SYNE2: variants seen among roughly 807,000 people sequenced by gnomAD.
The protein encoded by SYNE2 is spectrin repeat containing nuclear envelope protein 2.
In SYNE2, 431 loss-of-function variants were observed where a neutral mutation model predicts 856.3. That is an observed-to-expected ratio of 0.50 (90% CI 0.47 to 0.55). The LOEUF is 0.55. SYNE2 is among the 20% of genes least tolerant of loss of function. The pLI is 0.00. For missense variants in SYNE2, 8,129 were observed against 8,023.2 expected (o/e 1.01, Z -0.50); for synonymous variants, 2,923 against 2,872.3 (o/e 1.02, Z -0.56).
Position 64,126,721 on chromosome 14 carries a change from C to A in SYNE2, c.13831C>A (p.Gln4611Lys), listed in dbSNP as rs1466523492. ...NLLLECFDNL[Q>K]VCLEHTQAAA... The stretch of plus-strand genomic sequence containing the variant: ...GCTCCTTGAATGTTTTGACAACCTT[C>A]AAGTCTGCCTGGAGCACACTCAGGC... The change falls in exon 73 of 116, where the codon CAA becomes AAA. Residue 4611 changes from glutamine (Q) to lysine (K), a missense_variant. Gln to Lys is a moderately conservative substitution (Grantham distance 53). Coordinates refer to ENST00000555002, the MANE Select transcript of SYNE2 (RefSeq NM_182914.3). The A allele has an allele frequency of 6.2e-7, 1 of 1,614,166 alleles. No homozygotes were observed. The highest frequency in any genetic ancestry group is 1.1e-5 in the South Asian group (1 of 91,078).
At chr14:64,124,104 C>A (rs2097918584) in intron 70 of SYNE2, among the ~76,000 whole-genome samples, 1 of 152,052 alleles carries the variant, frequency 6.6e-6, no homozygotes, top group East Asian at 1.9e-4. Flanking sequence ...ACTTGGGAGG[C>A]TGAGGCAGGA....
chr14:64,178,350 A>G (rs919859877), intron 96 of SYNE2, among the ~76,000 whole-genome samples: 1 of 152,242 alleles, frequency 6.6e-6, no homozygotes, highest in African/African-American at 2.4e-5. Context: ...AGTGTCCTGT[A>G]TGATCTAACT....
chr14:64,158,606 G>A lies in SYNE2; in HGVS notation c.15793-19G>A, dbSNP rs4027394. ...TCTCAGTGATTTTCTAAATCAGTAC[G>A]TTTCCACTTTTTGTCTAGGTCAATC... On this transcript the variant is annotated intron_variant, in intron 85 of 115. Transcript: ENST00000555002. 6,800 of 1,613,390 alleles carry A rather than the reference G, an allele frequency of 4.2e-3. 468 individuals carry two copies. The Admixed American group carries it at 0.11, about 25-fold the overall frequency.
chr14:64,199,033 A>G (rs113711157), intron 99 of SYNE2, among the ~76,000 whole-genome samples: 19 of 152,292 alleles, frequency 1.2e-4, no homozygotes, highest in East Asian at 9.6e-4. Flanking sequence ...AGACAAGGCA[A>G]ATGGTTAAGT....
intron 31 of SYNE2, among the ~76,000 whole-genome samples, chr14:64,009,413 G>C (rs764845896): frequency 1.3e-5 from 2 of 151,816 alleles, no homozygotes; most frequent in South Asian, 2.1e-4. Context: ...GCACTTGCCT[G>C]TAATCCTAGC....
At position 63,813,576 on chromosome 14, in the gene SYNE2, C is replaced by T. The variant is rs1049921813; in HGVS notation, c.-304-38925C>T. Among the ~76,000 whole-genome samples the T allele has an allele frequency of 2.0e-5, 3 of 152,050 alleles. No homozygotes were observed. In the East Asian group the frequency reaches 5.8e-4, roughly 29 times the overall value. ...TTGGGAGGCCCAGGGGGGTGGATCA[C>T]GAGGTCAGGAGTTCAAGACTAGCCT... On this transcript the variant is annotated intron_variant, in intron 1 of 23. Transcript: ENST00000674003.
At position 64,087,518 on chromosome 14, in the gene SYNE2, GAC is replaced by G. The variant is rs1567254818; in HGVS notation, c.11485-151_11485-150del. On this transcript the variant is annotated intron_variant, in intron 57 of 115. Coordinates refer to ENST00000555002, the MANE Select transcript of SYNE2 (RefSeq NM_182914.3). ...TACTCTGAAGTCTTTCACTGTCATT[GAC>G]AATAGAGGGTGTTCTGTTTTCATTA... 3 of 831,630 alleles carry G rather than the reference GAC, an allele frequency of 3.6e-6. No individual in the cohort carries two copies. The East Asian group carries it at 7.4e-5, about 20-fold the overall frequency. 51.5% of individuals were successfully genotyped at this position (831,630 alleles called of 1,614,324 possible). A position where few individuals can be genotyped will look rare whatever the true frequency, so the allele number is the denominator to read the frequency against.
intron 96 of SYNE2, among the ~76,000 whole-genome samples, chr14:64,185,755 A>G (rs1338276591): frequency 1.3e-5 from 2 of 152,122 alleles, no homozygotes; most frequent in Non-Finnish European, 2.9e-5. Context: ...TCCTGACCTC[A>G]GGTGATCCGT....
chr14:63,946,223 A>G (rs539384896), intron 6 of SYNE2, among the ~76,000 whole-genome samples: 1 of 152,152 alleles, frequency 6.6e-6, no homozygotes, highest in South Asian at 2.1e-4. Flanking sequence ...GCAATATAAT[A>G]CTAGCCTGGG....
intron 2 of SYNE2, among the ~76,000 whole-genome samples, chr14:63,928,567 C>T (rs1230358285): frequency 6.6e-6 from 1 of 152,180 alleles, no homozygotes; most frequent in African/African-American, 2.4e-5. Context: ...ATAGCCTTCC[C>T]CTTCTGTAGT....
chr14:64,073,075 CT>C (rs1175582131), intron 52 of SYNE2, among the ~76,000 whole-genome samples: 1 of 152,096 alleles, frequency 6.6e-6, no homozygotes, highest in Non-Finnish European at 1.5e-5. Flanking sequence ...TGAGCCCTGT[CT>C]TTTGGGTTTT....
Position 64,093,671 on chromosome 14 carries a change from A to G in SYNE2, c.12108+191A>G, listed in dbSNP as rs149410084. 9.2e-5 allele frequency among the ~76,000 whole-genome samples: 14 copies of G among 152,264 alleles called. 1 individual carries two copies. The highest frequency in any genetic ancestry group is 3.1e-4 in the African/African-American group (13 of 41,542). On this transcript the variant is annotated intron_variant, in intron 61 of 115. Transcript: ENST00000555002. ...ATTTCATAAAATAGATGATTATATA[A>G]TTATCATTACTAAAAAGTGACAAAA...
intron 1 of SYNE2, among the ~76,000 whole-genome samples, chr14:63,796,297 A>G (rs541558213): frequency 1.3e-5 from 2 of 152,290 alleles, no homozygotes; most frequent in African/African-American, 4.8e-5. Context: ...CATCTCTACT[A>G]AAAATACAAA....
intron 64 of SYNE2, among the ~76,000 whole-genome samples, chr14:64,105,600 T>G (rs2097765902): frequency 6.6e-6 from 1 of 152,316 alleles, no homozygotes; most frequent in South Asian, 2.1e-4. Context: ...GCAATCAAGG[T>G]TGGTTGATTA....
intron 78 of SYNE2, among the ~76,000 whole-genome samples, chr14:64,135,483 C>A (rs879845236): frequency 5.3e-5 from 8 of 151,972 alleles, no homozygotes; most frequent in Admixed American, 1.3e-4. Context: ...AAATCTGAGT[C>A]CTCTGGGGTG....
chr14:64,007,967 A>G (rs1234234388), intron 31 of SYNE2, among the ~76,000 whole-genome samples: 1 of 152,120 alleles, frequency 6.6e-6, no homozygotes, highest in African/African-American at 2.4e-5. Context: ...CCGAGATAGC[A>G]CCACCGTACT....
chr14:63,953,535 G>T (rs1255871), intron 7 of SYNE2, among the ~76,000 whole-genome samples: 2,770 of 26,422 alleles, frequency 0.1, 47 homozygotes, highest in South Asian at 0.16. Context: ...GATAGATAGA[G>T]AGAGAGAGAG....
At chr14:63,873,692 G>C (rs932208028) in intron 1 of SYNE2, 2 of 152,210 alleles carry the variant, frequency 1.3e-5, no homozygotes, top group Non-Finnish European at 2.9e-5. Flanking sequence ...ACCCGGCCAA[G>C]TACTTACCTT....
At chr14:64,111,686 T>G (rs2097808961) in intron 65 of SYNE2, among the ~76,000 whole-genome samples, 1 of 151,862 alleles carries the variant, frequency 6.6e-6, no homozygotes, top group African/African-American at 2.4e-5. Context: ...TAATCCCAGT[T>G]CCTTGGGAGG....
Sources: gnomAD v4.1 joint callset for allele counts (sites outside exome capture counted in the v4.1 genomes callset) on GRCh38, gnomAD v4.1.1 for gene constraint, MANE v1.5 for transcripts, NCBI Gene and HGNC (gene_info 2026-07-23, HGNC 2026-07-21) for gene names.